Variants in ARPC1A observed in about 807,000 individuals in gnomAD.
ARPC1A encodes actin related protein 2/3 complex subunit 1A, also known as actin-related protein 2/3 complex subunit 1A.
ARPC1A carries 8 observed loss-of-function variants against 46.9 expected under a neutral mutation model. That is an observed-to-expected ratio of 0.17 (90% CI 0.10 to 0.31). The LOEUF is 0.31. ARPC1A is among the 10% of genes least tolerant of loss of function. ARPC1A has a pLI of 1.00. For missense variants in ARPC1A, 286 were observed against 483.6 expected (o/e 0.59, Z 3.83); for synonymous variants, 152 against 169.0 (o/e 0.90, Z 0.78).
intron 8 of ARPC1A, among the ~76,000 whole-genome samples, chr7:99,362,683 G>T (rs890471128): frequency 6.6e-6 from 1 of 151,736 alleles, no homozygotes; most frequent in African/African-American, 2.4e-5. Flanking sequence ...AGGCTGTACG[G>T]GCATAGGCAG....
intron 9 of ARPC1A, among the ~76,000 whole-genome samples, chr7:99,364,604 A>G (rs1793800812): frequency 6.6e-6 from 1 of 152,094 alleles, no homozygotes; most frequent in South Asian, 2.1e-4. Context: ...AGTCATCCGC[A>G]GAAGAACGGC....
chr7:99,346,240 T>C (rs1793448875), intron 4 of ARPC1A, among the ~76,000 whole-genome samples: 1 of 151,972 alleles, frequency 6.6e-6, no homozygotes, highest in Non-Finnish European at 1.5e-5. Context: ...AAAATTGAGT[T>C]ACGAATTTGA....
At chr7:99,326,661 A>G (rs1001044345) in intron 1 of ARPC1A, among the ~76,000 whole-genome samples, 10 of 152,228 alleles carry the variant, frequency 6.6e-5, no homozygotes, top group African/African-American at 2.4e-4. Context: ...CTCATCTGCA[A>G]TAAAAAGATT....
At chr7:99,364,825 A>G (rs1793804736) in intron 9 of ARPC1A, among the ~76,000 whole-genome samples, 1 of 152,138 alleles carries the variant, frequency 6.6e-6, no homozygotes, top group Non-Finnish European at 1.5e-5. Flanking sequence ...AGAATATCCA[A>G]TCTGAATGAG....
At chr7:99,356,450 T>G (rs1193680549) in intron 6 of ARPC1A, among the ~76,000 whole-genome samples, 2 of 148,360 alleles carry the variant, frequency 1.3e-5, no homozygotes, top group Admixed American at 6.9e-5. Context: ...ACTAAAAGTA[T>G]AAAAATTAGC....
chr7:99,358,341 G>T lies in ARPC1A; in HGVS notation c.715G>T (p.Val239Phe), dbSNP rs1168095915. Residue 239 changes from valine (V) to phenylalanine (F), a missense_variant and splice_region_variant, in exon 7 of 10, where the codon GTC (valine) becomes TTC (phenylalanine). This residue lies in a region of ARPC1A where 182 missense variants were observed against 276.7 expected (regional missense o/e 0.66). Coordinates refer to ENST00000262942, the MANE Select transcript of ARPC1A (RefSeq NM_006409.4). ...SVADASKSVQ[V>F]STLKTEFLPL... ...GATAACACATGTTCTTGTGTTCAGG[G>T]TCTCGACTCTGAAGACAGAGTTCCT... The T allele has an allele frequency of 6.2e-7, 1 of 1,613,944 alleles. No homozygotes were observed. Among genetic ancestry groups the T allele is most frequent in the African/African-American group, 1.3e-5 (1 of 75,000 alleles).
intron 3 of ARPC1A, among the ~76,000 whole-genome samples, chr7:99,340,735 G>A (rs1213982855): frequency 1.3e-5 from 2 of 152,162 alleles, no homozygotes; most frequent in Non-Finnish European, 2.9e-5. Context: ...TTACCCAAAT[G>A]AGAGAACTTA....
Position 99,348,951 on chromosome 7 carries a change from C to A in ARPC1A, c.492C>A (p.Phe164Leu), listed in dbSNP as rs781029729. ...NVLLAAGSCDFKCRVFSAYIK... is the reference protein window; with the variant it reads ...NVLLAAGSCDLKCRVFSAYIK... ...TGCTGGCAGCAGGATCATGTGACTT[C>A]AAATGCAGGTGGGAACCAGTGAGAA... Residue 164 changes from phenylalanine (F) to leucine (L), a missense_variant, in exon 5 of 10, where the codon TTC (phenylalanine) becomes TTA (leucine). Phe to Leu is a conservative substitution (Grantham distance 22, BLOSUM62 0). Transcript: ENST00000262942. 6.2e-7 allele frequency: 1 copy of A among 1,613,570 alleles called. No homozygotes were observed. The highest frequency in any genetic ancestry group is 1.3e-5 in the African/African-American group (1 of 75,028).
At chr7:99,326,475 G>A (rs1040301190) in intron 1 of ARPC1A, among the ~76,000 whole-genome samples, 8 of 152,138 alleles carry the variant, frequency 5.3e-5, no homozygotes, top group African/African-American at 1.9e-4. Flanking sequence ...TCTCGATCTC[G>A]AGAAAAACCT....
intron 7 of ARPC1A, chr7:99,358,673 T>A (rs1311506285): frequency 4.8e-6 from 2 of 417,966 alleles, no homozygotes; most frequent in East Asian, 1.0e-4. Context: ...CTCGAGGAAC[T>A]GGGAATATAG....
intron 4 of ARPC1A, among the ~76,000 whole-genome samples, chr7:99,347,661 G>A (rs998756701): frequency 1.3e-5 from 2 of 151,866 alleles, no homozygotes; most frequent in Non-Finnish European, 2.9e-5. Flanking sequence ...CTGACATTGC[G>A]CCACTGCACT....
intron 8 of ARPC1A, among the ~76,000 whole-genome samples, chr7:99,362,498 AT>A (rs565535347): frequency 0.013 from 1,761 of 132,110 alleles, 132 homozygotes; most frequent in Admixed American, 0.11. Flanking sequence ...TGCCTGGCTA[AT>A]TTTTTTTTTT....
At chr7:99,349,013 C>T in intron 5 of ARPC1A, 54 bp downstream of exon 5, 1 of 1,487,478 alleles carries the variant, frequency 6.7e-7, no homozygotes, top group Non-Finnish European at 9.3e-7. Context: ...CATCCTTCAA[C>T]AAATAATTTT....
chr7:99,344,268 C>T, intron 3 of ARPC1A, 25 bp from the exon 4 acceptor site: 1 of 1,610,636 alleles, frequency 6.2e-7, no homozygotes, highest in South Asian at 1.1e-5. Context: ...CTGGGCAAAG[C>T]AGATGACCCA....
At chr7:99,329,116 C>T (rs1414278359) in intron 1 of ARPC1A, among the ~76,000 whole-genome samples, 7 of 151,884 alleles carry the variant, frequency 4.6e-5, no homozygotes, top group African/African-American at 1.5e-4. Flanking sequence ...CTGGCTAACA[C>T]GGTGAAACCC....
At chr7:99,344,652 A>G (rs1181190856) in intron 4 of ARPC1A, 137 bp downstream of exon 4, 1 of 919,364 alleles carries the variant, frequency 1.1e-6, no homozygotes, top group South Asian at 1.7e-5. Context: ...ATTCTGTCTG[A>G]GCATTTTCCC....
chr7:99,365,630 AGAG>A (rs1793825432), intron 9 of ARPC1A, among the ~76,000 whole-genome samples: 4 of 149,406 alleles, frequency 2.7e-5, no homozygotes, highest in African/African-American at 4.9e-5. Flanking sequence ...AAAAAAAAAA[AGAG>A]GAGTGAGGAG....
chr7:99,353,693 G>C (rs139332328), intron 5 of ARPC1A, among the ~76,000 whole-genome samples: 1 of 150,030 alleles, frequency 6.7e-6, no homozygotes, highest in Non-Finnish European at 1.5e-5. Flanking sequence ...TGGTCAGGCT[G>C]GTCTCGAACT....
At chr7:99,358,120 T>A (rs1233089617) in intron 6 of ARPC1A, among the ~76,000 whole-genome samples, 2 of 152,070 alleles carry the variant, frequency 1.3e-5, no homozygotes, top group Non-Finnish European at 2.9e-5. Flanking sequence ...GGAACCAGTT[T>A]GTCGTCAGTG....
Sources: allele counts gnomAD v4.1 joint callset (sites outside exome capture counted in the v4.1 genomes callset), GRCh38; gene constraint gnomAD v4.1.1; regional missense constraint gnomAD v4.1.1; transcripts MANE v1.5; gene names NCBI Gene and HGNC (gene_info 2026-07-23, HGNC 2026-07-21).